The following DOK5 variants were observed in gnomAD, a reference collection of about 807,000 sequenced individuals.
DOK5 encodes the protein downstream of tyrosine kinase 5.
A neutral mutation model predicts 43.3 loss-of-function variants in DOK5; 27 were observed. The ratio of observed to expected loss-of-function variants is 0.62; its 90% CI spans 0.46 to 0.86. The LOEUF (loss-of-function observed/expected upper bound fraction) is 0.86, where lower values mean the gene tolerates loss of function less well. DOK5 is among the 40% of genes least tolerant of loss of function. The pLI is 0.00. For synonymous variants in DOK5, 146 were observed against 140.1 expected (o/e 1.04, Z -0.30); for missense variants, 373 against 392.9 (o/e 0.95, Z 0.43).
At chr20:54,505,791 G>A (rs192808114) in intron 1 of DOK5, among the ~76,000 whole-genome samples, 179 of 152,296 alleles carry the variant, frequency 1.2e-3, no homozygotes, top group African/African-American at 4.2e-3. Context: ...GGAACAGCCA[G>A]CATAAAAGGA....
intron 5 of DOK5, among the ~76,000 whole-genome samples, chr20:54,598,844 A>G (rs936096731): frequency 6.6e-6 from 1 of 152,226 alleles, no homozygotes. Context: ...TTATTTGGAT[A>G]TGAAGGCATC....
intron 2 of DOK5, among the ~76,000 whole-genome samples, chr20:54,562,993 G>T (rs1984959877): frequency 6.6e-6 from 1 of 152,152 alleles, no homozygotes; most frequent in African/African-American, 2.4e-5. Context: ...CAGTCCCATA[G>T]CTGGTACCCT....
chr20:54,609,724 A>G (rs944318025), intron 5 of DOK5, among the ~76,000 whole-genome samples: 5 of 152,238 alleles, frequency 3.3e-5, no homozygotes, highest in Non-Finnish European at 7.3e-5. Context: ...CATCTGAGGT[A>G]CAGATACCGT....
Position 54,622,092 on chromosome 20 carries a change from G to T in DOK5, c.735+11569G>T, listed in dbSNP as rs562252758. On this transcript the variant is annotated intron_variant, in intron 6 of 7. Transcript: ENST00000262593. ...GCCTGTAGTCCCAGCTACTTGGGAGGTTGAGGCAGGAGTATCGCTTGAACC... is the reference window on the plus strand; with the variant it reads ...GCCTGTAGTCCCAGCTACTTGGGAGTTTGAGGCAGGAGTATCGCTTGAACC... 3.3e-5 allele frequency among the ~76,000 whole-genome samples: 5 copies of T among 152,082 alleles called. No individual in the cohort carries two copies. In the East Asian group the frequency reaches 9.7e-4, roughly 29 times the overall value.
chr20:54,627,913 T>G (rs563355654), intron 6 of DOK5, among the ~76,000 whole-genome samples: 1 of 152,162 alleles, frequency 6.6e-6, no homozygotes, highest in African/African-American at 2.4e-5. Flanking sequence ...TCTCAAGAAG[T>G]GTGACCGTCT....
chr20:54,569,897 T>C (rs1287371836), intron 2 of DOK5, among the ~76,000 whole-genome samples: 8 of 152,212 alleles, frequency 5.3e-5, no homozygotes, highest in Admixed American at 5.2e-4. Flanking sequence ...TGAAACCATG[T>C]ATATGGGGAC....
chr20:54,492,950 A>G (rs1028915322), intron 1 of DOK5, among the ~76,000 whole-genome samples: 14 of 151,050 alleles, frequency 9.3e-5, no homozygotes, highest in African/African-American at 3.4e-4. Flanking sequence ...AGTTACTCGA[A>G]AGGCTGAGGC....
At chr20:54,646,262 T>TC (rs1979420824) in intron 7 of DOK5, among the ~76,000 whole-genome samples, 1 of 141,028 alleles carries the variant, frequency 7.1e-6, no homozygotes, top group African/African-American at 2.7e-5. Flanking sequence ...TTTTTTTTTT[T>TC]TTTTTTTTTT....
intron 6 of DOK5, among the ~76,000 whole-genome samples, chr20:54,629,212 T>C (rs918098940): frequency 6.6e-6 from 1 of 152,178 alleles, no homozygotes; most frequent in African/African-American, 2.4e-5. Context: ...ATTTCCTCTT[T>C]ATAAGATTGC....
intron 1 of DOK5, among the ~76,000 whole-genome samples, chr20:54,502,149 C>T (rs1334488317): frequency 6.6e-6 from 1 of 152,178 alleles, no homozygotes; most frequent in Non-Finnish European, 1.5e-5. Flanking sequence ...TCAGAAACTA[C>T]AATAATAATT....
rs1226959537 is a variant in DOK5, at chr20:54,651,154, G to T, written c.*675G>T. On this transcript the variant is annotated 3_prime_UTR_variant, in exon 8 of 8. Coordinates refer to ENST00000262593, the MANE Select transcript of DOK5 (RefSeq NM_018431.5). ...CTTCATAAAACATTTGAAAATAAAA[G>T]ATCATTCTTCACCCATATGTTCTTT... The T allele has an allele frequency of 6.6e-6, 1 of 152,122 alleles. No individual in the cohort carries two copies. Among genetic ancestry groups the T allele is most frequent in the Non-Finnish European group, 1.5e-5 (1 of 68,020 alleles). The allele number at this position is 152,122 out of a possible 1,614,324, so 9.4% of individuals were successfully genotyped here. A position where few individuals can be genotyped will look rare whatever the true frequency, so the allele number is the denominator to read the frequency against.
chr20:54,494,886 C>T (rs543803357), intron 1 of DOK5: 1 of 152,098 alleles, frequency 6.6e-6, no homozygotes, highest in African/African-American at 2.4e-5. Flanking sequence ...CAGTCTCCAG[C>T]AACCTGATAT....
At chr20:54,601,153 A>C (rs1217606865) in intron 5 of DOK5, among the ~76,000 whole-genome samples, 1 of 152,268 alleles carries the variant, frequency 6.6e-6, no homozygotes, top group East Asian at 1.9e-4. Flanking sequence ...GAAAGGGTGC[A>C]GAGTGAGCAC....
At chr20:54,636,644 C>G (rs940958814) in intron 6 of DOK5, among the ~76,000 whole-genome samples, 2 of 152,176 alleles carry the variant, frequency 1.3e-5, no homozygotes, top group African/African-American at 4.8e-5. Context: ...GCCAAACTGT[C>G]TTTAAAAAAC....
chr20:54,480,902 C>CATCTATCTATCTATCT (rs201469324), intron 1 of DOK5, among the ~76,000 whole-genome samples: 3 of 134,984 alleles, frequency 2.2e-5, no homozygotes, highest in Admixed American at 1.4e-4. Context: ...TTAAGGCCTC[C>CATCTATCTATCTATCT]ATCTATCTAT....
chr20:54,549,203 A>G (rs1984443730), intron 1 of DOK5, among the ~76,000 whole-genome samples: 1 of 152,118 alleles, frequency 6.6e-6, no homozygotes, highest in Non-Finnish European at 1.5e-5. Flanking sequence ...CATGGTAAAG[A>G]GCAAATTTGT....
intron 1 of DOK5, among the ~76,000 whole-genome samples, chr20:54,524,582 G>T (rs368271990): frequency 2.6e-5 from 4 of 152,190 alleles, no homozygotes; most frequent in African/African-American, 9.7e-5. Flanking sequence ...GATGTTGGTT[G>T]TATTTCCTTC....
chr20:54,497,032 T>A (rs927470095), intron 1 of DOK5, among the ~76,000 whole-genome samples: 1 of 152,186 alleles, frequency 6.6e-6, no homozygotes, highest in Admixed American at 6.5e-5. Flanking sequence ...TACATTGTGA[T>A]TCTGGACACG....
intron 6 of DOK5, among the ~76,000 whole-genome samples, chr20:54,611,895 C>A (rs902064003): frequency 2.0e-5 from 3 of 152,142 alleles, no homozygotes; most frequent in Non-Finnish European, 4.4e-5. Context: ...GGCAGCAATC[C>A]GGGATTTTAG....
Sources: allele counts gnomAD v4.1 joint callset (sites outside exome capture counted in the v4.1 genomes callset), GRCh38; gene constraint gnomAD v4.1.1; transcripts MANE v1.5; gene names NCBI Gene and HGNC (gene_info 2026-07-23, HGNC 2026-07-21).